Variants in NEO1 observed in about 807,000 individuals in gnomAD.
NEO1 encodes neogenin 1.
Under a neutral mutation model 159.7 loss-of-function variants are expected in NEO1, and 63 were observed. That is an observed-to-expected ratio of 0.39 (90% CI 0.32 to 0.49). The LOEUF (loss-of-function observed/expected upper bound fraction) is 0.49. Among genes scored for constraint, NEO1 ranks in the 20% least tolerant of loss-of-function variants. The pLI is 0.85. For missense variants in NEO1, 1,615 were observed against 1,831.0 expected, an observed-to-expected ratio of 0.88 and a Z score of 2.15; for synonymous variants, 633 against 662.0, an observed-to-expected ratio of 0.96 and a Z score of 0.67.
intron 7 of NEO1, among the ~76,000 whole-genome samples, chr15:73,201,808 G>T (rs1183430605): frequency 6.6e-6 from 1 of 152,024 alleles, no homozygotes; most frequent in African/African-American, 2.4e-5. Context: ...TTATCATTAT[G>T]TAATACCTTC....
At chr15:73,235,565 A>G (rs1299266411) in intron 7 of NEO1, among the ~76,000 whole-genome samples, 1 of 152,210 alleles carries the variant, frequency 6.6e-6, no homozygotes, top group Non-Finnish European at 1.5e-5. Context: ...TTCAGTATAC[A>G]TCGCAGTGAA....
intron 1 of NEO1, among the ~76,000 whole-genome samples, chr15:73,085,960 C>T (rs2069334970): frequency 6.6e-6 from 1 of 152,008 alleles, no homozygotes; most frequent in Non-Finnish European, 1.5e-5. Flanking sequence ...TTCGACTTGC[C>T]AGTTTTTTTC....
At position 73,188,565 on chromosome 15, in the gene NEO1, G is replaced by A. The variant is rs533291796; in HGVS notation, c.1291+10138G>A. On this transcript the variant is annotated intron_variant, in intron 7 of 28. Transcript: ENST00000261908. ...TCCTATTCTTCTGTTCTTTATCCCT[G>A]TCTGTTTTTCCTTTTTCAATTACTA... Among the ~76,000 whole-genome samples the A allele has an allele frequency of 2.8e-4, 42 of 152,140 alleles. 1 individual carries two copies. The highest frequency in any genetic ancestry group is 9.9e-4 in the African/African-American group (41 of 41,516).
chr15:73,250,856 C>T (rs573080625), intron 11 of NEO1, among the ~76,000 whole-genome samples: 2 of 152,134 alleles, frequency 1.3e-5, no homozygotes, highest in South Asian at 4.2e-4. Flanking sequence ...ATATTAGATA[C>T]ATATGGTATT....
chr15:73,280,225 G>A (rs563400044), intron 22 of NEO1, among the ~76,000 whole-genome samples: 4 of 151,890 alleles, frequency 2.6e-5, no homozygotes, highest in Admixed American at 1.3e-4. Flanking sequence ...GGCAGAGGTT[G>A]CAGTGAGCCG....
In NEO1 at chr15:73,288,544, A is replaced by C. The variant is rs2042036185; in HGVS notation, c.3642A>C (p.Ser1214=). ...GCAATATCCATCAAAGGCGAAATTC[A>C]TACAGAGGTACCATTTTAAGTGCAG... The part of the protein sequence containing the change: ...MDSNIHQRRN[S]YRGHESEDSM... The change falls in exon 24 of 29, where the codon TCA becomes TCC. Residue 1214 remains serine, a synonymous_variant. Transcript: ENST00000261908. The C allele has an allele frequency of 6.2e-7, 1 of 1,612,116 alleles. No individual in the cohort carries two copies. Among genetic ancestry groups the C allele is most frequent in the African/African-American group, 1.3e-5 (1 of 74,908 alleles).
chr15:73,279,355 T>G (rs974613795), intron 22 of NEO1, among the ~76,000 whole-genome samples: 29 of 136,682 alleles, frequency 2.1e-4, no homozygotes, highest in African/African-American at 4.8e-4. Flanking sequence ...GTTTTGGTTT[T>G]TTTTTTTTTT....
chr15:73,063,684 A>G (rs2068077903), intron 1 of NEO1, among the ~76,000 whole-genome samples: 1 of 152,026 alleles, frequency 6.6e-6, no homozygotes, highest in Non-Finnish European at 1.5e-5. Flanking sequence ...AATACAGAGC[A>G]TTATGAGGCA....
chr15:73,218,765 T>C (rs914596197), intron 7 of NEO1, among the ~76,000 whole-genome samples: 41 of 152,342 alleles, frequency 2.7e-4, no homozygotes, highest in African/African-American at 9.6e-4. Context: ...GTGGGATCGG[T>C]GGTGATATCC....
intron 15 of NEO1, among the ~76,000 whole-genome samples, chr15:73,264,384 G>A (rs547353680): frequency 2.0e-5 from 3 of 152,298 alleles, no homozygotes; most frequent in South Asian, 2.1e-4. Context: ...AAGGGAGAAC[G>A]CTATAGCAAG....
At chr15:73,141,311 G>A (rs1010881518) in intron 5 of NEO1, among the ~76,000 whole-genome samples, 1 of 152,014 alleles carries the variant, frequency 6.6e-6, no homozygotes, top group African/African-American at 2.4e-5. Context: ...ATGTAGAAAA[G>A]GTTGTAAGTT....
chr15:73,262,001 G>A (rs2040639810), intron 15 of NEO1, among the ~76,000 whole-genome samples: 3 of 152,158 alleles, frequency 2.0e-5, no homozygotes, highest in African/African-American at 7.2e-5. Context: ...TAGAAAAGCT[G>A]CTTAGATAAT....
Position 73,289,139 on chromosome 15 carries a change from C to T in NEO1, c.3650-7C>T, listed in dbSNP as rs373493466. 22 of 1,613,410 alleles carry T rather than the reference C, an allele frequency of 1.4e-5. No homozygotes were observed. The African/African-American group carries it at 2.8e-4, about 21-fold the overall frequency. ...GCTGGTAACTAACCTCCACGTTTAACATCTAGGGCATGAGTCAGAGGACAG... is the reference window on the plus strand; with the variant it reads ...GCTGGTAACTAACCTCCACGTTTAATATCTAGGGCATGAGTCAGAGGACAG... On this transcript the variant is annotated splice_region_variant and splice_polypyrimidine_tract_variant and intron_variant, in intron 24 of 28. Coordinates refer to ENST00000261908, the MANE Select transcript of NEO1 (RefSeq NM_002499.4).
At chr15:73,247,816 C>T (rs905653661) in intron 9 of NEO1, among the ~76,000 whole-genome samples, 5 of 152,170 alleles carry the variant, frequency 3.3e-5, no homozygotes, top group African/African-American at 1.2e-4. Flanking sequence ...GAACTGGAAC[C>T]TGTCAGTCAG....
At position 73,304,185 on chromosome 15, in the gene NEO1, A is replaced by G. The variant is rs2042710605; in HGVS notation, c.*1489A>G. 1.3e-5 allele frequency: 2 copies of G among 150,792 alleles called. No individual in the cohort carries two copies. Among genetic ancestry groups the G allele is most frequent in the South Asian group, 4.3e-4 (2 of 4,700 alleles). 9.3% of individuals were successfully genotyped at this position (150,792 alleles called of 1,614,324 possible). A position where few individuals can be genotyped will look rare whatever the true frequency, so the allele number is the denominator to read the frequency against. ...CACAGGAGTTGTCTGAGGTGAACCC[A>G]GCCGCTCAGCCACACATGGAAGCCA... On this transcript the variant is annotated 3_prime_UTR_variant, in exon 29 of 29. Coordinates refer to ENST00000261908, the MANE Select transcript of NEO1 (RefSeq NM_002499.4).
chr15:73,281,325 G>A (rs1456406032), intron 22 of NEO1, among the ~76,000 whole-genome samples: 2 of 149,060 alleles, frequency 1.3e-5, no homozygotes, highest in Non-Finnish European at 3.0e-5. Context: ...CGCGATCTCC[G>A]CTCACTGCAA....
chr15:73,193,927 G>C (rs1319988230), intron 7 of NEO1, among the ~76,000 whole-genome samples: 1 of 152,058 alleles, frequency 6.6e-6, no homozygotes, highest in African/African-American at 2.4e-5. Context: ...TTATAGATTA[G>C]TCAGGTTACA....
Position 73,288,476 on chromosome 15 carries a change from C to T in NEO1, c.3574C>T (p.Arg1192Cys), listed in dbSNP as rs775083160. 5 of 1,614,152 alleles carry T rather than the reference C, an allele frequency of 3.1e-6. No individual in the cohort carries two copies. Among genetic ancestry groups the T allele is most frequent in the Admixed American group, 1.7e-5 (1 of 60,028 alleles). ...CATCATGACTGATACTCCAATTCCT[C>T]GCAACTCTCAAGATATCACACCAGT... ...NPIMTDTPIP[R>C]NSQDITPVDN... Residue 1192 changes from arginine to cysteine, a missense_variant, in exon 24 of 29, where the codon CGC becomes TGC. By Grantham distance (180) the Arg-to-Cys change is radical. Coordinates refer to ENST00000261908, the MANE Select transcript of NEO1 (RefSeq NM_002499.4).
chr15:73,215,167 G>A (rs71397277), intron 7 of NEO1, among the ~76,000 whole-genome samples: 12,065 of 152,180 alleles, frequency 0.079, 568 homozygotes, highest in Non-Finnish European at 0.097. Flanking sequence ...TCAGTTCTAG[G>A]AGCTTTCTGG....
Sources: allele counts gnomAD v4.1 joint callset (sites outside exome capture counted in the v4.1 genomes callset), GRCh38; gene constraint gnomAD v4.1.1; transcripts MANE v1.5; gene names NCBI Gene and HGNC (gene_info 2026-07-23, HGNC 2026-07-21).